TESK2: variants seen among roughly 807,000 people sequenced by gnomAD.
The protein encoded by TESK2 is dual specificity testis-specific protein kinase 2.
Under a neutral mutation model 57.1 loss-of-function variants are expected in TESK2, and 39 were observed. The ratio of observed to expected loss-of-function variants is 0.68; its 90% CI spans 0.53 to 0.89. The LOEUF is 0.89. Among genes scored for constraint, TESK2 ranks in the 40% least tolerant of loss-of-function variants. TESK2 has a pLI of 0.00. For missense variants in TESK2, 646 were observed against 732.1 expected (o/e 0.88, Z 1.36); for synonymous variants, 249 against 267.9 (o/e 0.93, Z 0.69).
At chr1:45,468,155 A>C (rs1652630795) in intron 1 of TESK2, among the ~76,000 whole-genome samples, 1 of 151,462 alleles carries the variant, frequency 6.6e-6, no homozygotes, top group African/African-American at 2.4e-5. Context: ...CAGCCTGGGC[A>C]ATAGAGCAAA....
intron 3 of TESK2, 129 bp downstream of exon 3, chr1:45,421,596 C>G (rs1198166720): frequency 7.4e-7 from 1 of 1,350,884 alleles, no homozygotes; most frequent in Non-Finnish European, 1.0e-6. Flanking sequence ...TAGAGTACCA[C>G]TAAACCCCAG....
chr1:45,420,624 G>C (rs2149286588), intron 3 of TESK2, among the ~76,000 whole-genome samples: 1 of 145,740 alleles, frequency 6.9e-6, no homozygotes, highest in African/African-American at 2.6e-5. Flanking sequence ...CTGGAGTGCA[G>C]TAGTGCAATC....
rs1042510736 is a variant in TESK2 at position 45,345,474 on chromosome 1, G to C, written c.1082C>G (p.Thr361Ser). 2.0e-5 allele frequency: 33 copies of C among 1,614,052 alleles called. No individual in the cohort carries two copies. Among genetic ancestry groups the C allele is most frequent in the Non-Finnish European group, 2.6e-5 (31 of 1,180,036 alleles). ...TGACTGGCTTCGAGACAGCCAGATG[G>C]TACGTCTTGGGCATGGTGACTTGTG... ...IPHKSPCPRR[T>S]IWLSRSQSDI... The change falls in exon 11 of 11, where the codon ACC (threonine) becomes AGC (serine). Residue 361 changes from threonine to serine, a missense_variant. By Grantham distance (58) the Thr-to-Ser change is moderately conservative (BLOSUM62 1). Coordinates refer to ENST00000372086, the MANE Select transcript of TESK2 (RefSeq NM_007170.3).
intron 3 of TESK2, among the ~76,000 whole-genome samples, chr1:45,406,086 T>A (rs1557560749): frequency 6.6e-6 from 1 of 151,648 alleles, no homozygotes; most frequent in Non-Finnish European, 1.5e-5. Flanking sequence ...AAAAAAATTA[T>A]CCCAGTGTGG....
chr1:45,345,055 C>T lies in TESK2; in HGVS notation c.1501G>A (p.Ala501Thr), dbSNP rs930734528. The change falls in exon 11 of 11, where the codon GCA (alanine) becomes ACA (threonine). Residue 501 changes from alanine (A) to threonine (T), a missense_variant. Coordinates refer to ENST00000372086, the MANE Select transcript of TESK2 (RefSeq NM_007170.3). ...YRVKEIPPFRASALPAAQAHE... is the reference protein window; with the variant it reads ...YRVKEIPPFRTSALPAAQAHE... ...GCTTGAGCAGCTGGTAGGGCAGATG[C>T]CCGGAATGGTGGGATCTCTTTAACT... 1.9e-6 allele frequency: 3 copies of T among 1,614,086 alleles called. No individual in the cohort carries two copies. In the African/African-American group the frequency reaches 4.0e-5, roughly 22 times the overall value.
chr1:45,429,887 G>C (rs534241686), intron 2 of TESK2, among the ~76,000 whole-genome samples: 3 of 152,116 alleles, frequency 2.0e-5, no homozygotes, highest in Non-Finnish European at 4.4e-5. Flanking sequence ...TGCATTATAA[G>C]AACTTTGAAA....
chr1:45,488,799 C>T (rs746793300), intron 1 of TESK2, among the ~76,000 whole-genome samples: 4 of 152,214 alleles, frequency 2.6e-5, no homozygotes, highest in Non-Finnish European at 2.9e-5. Flanking sequence ...GATCTCACTA[C>T]TACCTTCTTT....
chr1:45,349,454 C>T (rs373654626), intron 5 of TESK2, among the ~76,000 whole-genome samples: 9 of 152,312 alleles, frequency 5.9e-5, no homozygotes, highest in South Asian at 4.1e-4. Context: ...GCCTATTAGC[C>T]AAAGCCCCAG....
intron 5 of TESK2, 48 bp from the exon 6 acceptor site, chr1:45,348,048 G>A (rs751928977): frequency 7.6e-7 from 1 of 1,308,016 alleles, no homozygotes; most frequent in Non-Finnish European, 1.1e-6. Context: ...CAGAAGCGGG[G>A]ATCAGCCATA....
At chr1:45,359,674 G>A (rs1256673502) in intron 4 of TESK2, among the ~76,000 whole-genome samples, 1 of 152,002 alleles carries the variant, frequency 6.6e-6, no homozygotes, top group Admixed American at 6.6e-5. Context: ...GACCAGTCTG[G>A]CCAACATGGT....
At chr1:45,392,296 G>C (rs1649178395) in intron 3 of TESK2, among the ~76,000 whole-genome samples, 1 of 152,200 alleles carries the variant, frequency 6.6e-6, no homozygotes, top group Non-Finnish European at 1.5e-5. Context: ...ATGTTGGCCA[G>C]GCTGGTCTTA....
At position 45,384,446 on chromosome 1, in the gene TESK2, G is replaced by T. The variant is rs527267348; in HGVS notation, c.393+1466C>A. On this transcript the variant is annotated intron_variant, in intron 4 of 10. Coordinates refer to ENST00000372086, the MANE Select transcript of TESK2 (RefSeq NM_007170.3). ...ATCTATCTATGTATCTAGAGACAGG[G>T]TCTCACTCTGTTGCCCAGGCTGGAG... is the stretch of plus-strand genomic sequence containing the variant. Among the ~76,000 whole-genome samples the T allele has an allele frequency of 7.9e-5, 12 of 151,162 alleles. No individual in the cohort carries two copies. The South Asian group carries it at 2.5e-3, about 32-fold the overall frequency.
At chr1:45,390,676 A>G (rs924856495) in intron 3 of TESK2, among the ~76,000 whole-genome samples, 4 of 149,078 alleles carry the variant, frequency 2.7e-5, no homozygotes, top group African/African-American at 9.9e-5. Flanking sequence ...TCTGGGCTCA[A>G]GCAATCCTCC....
intron 1 of TESK2, among the ~76,000 whole-genome samples, chr1:45,467,352 G>T (rs1336484780): frequency 1.1e-4 from 17 of 147,872 alleles, no homozygotes; most frequent in Non-Finnish European, 2.1e-4. Context: ...CAGGTTTGTT[G>T]TTTTTTTTTT....
chr1:45,356,095 G>A (rs1647409146), intron 4 of TESK2, among the ~76,000 whole-genome samples: 1 of 151,998 alleles, frequency 6.6e-6, no homozygotes, highest in South Asian at 2.1e-4. Flanking sequence ...ACAGAGAAAG[G>A]GAAATAGGAG....
intron 2 of TESK2, among the ~76,000 whole-genome samples, chr1:45,439,482 A>C (rs1203534298): frequency 6.6e-6 from 1 of 152,234 alleles, no homozygotes; most frequent in Non-Finnish European, 1.5e-5. Flanking sequence ...TAACAGAAAT[A>C]ATAACTAGCC....
intron 3 of TESK2, among the ~76,000 whole-genome samples, chr1:45,392,457 C>A (rs1168736311): frequency 1.3e-5 from 2 of 152,000 alleles, no homozygotes; most frequent in Non-Finnish European, 2.9e-5. Context: ...AATCCCAGCA[C>A]TTTGCGAGGC....
intron 4 of TESK2, among the ~76,000 whole-genome samples, chr1:45,385,710 G>GTGTATATATATATATATATATA (rs947905047): frequency 2.2e-5 from 3 of 135,276 alleles, no homozygotes; most frequent in African/African-American, 8.9e-5. Context: ...GTGTGTGTGT[G>GTGTATATATATATATATATATA]TATATATATA....
At chr1:45,386,598 T>C (rs1648907946) in intron 3 of TESK2, among the ~76,000 whole-genome samples, 2 of 152,042 alleles carry the variant, frequency 1.3e-5, no homozygotes, top group Admixed American at 6.6e-5. Context: ...TACTGGTGAT[T>C]TCTGGGATTT....
Sources: allele counts gnomAD v4.1 joint callset (sites outside exome capture counted in the v4.1 genomes callset), GRCh38; gene constraint gnomAD v4.1.1; transcripts MANE v1.5; gene names NCBI Gene and HGNC (gene_info 2026-07-23, HGNC 2026-07-21).